SDK1: variants seen among roughly 807,000 people sequenced by gnomAD.
The protein encoded by SDK1 is sidekick cell adhesion molecule 1.
Under a neutral mutation model 245.5 loss-of-function variants are expected in SDK1, and 157 were observed. The ratio of observed to expected loss-of-function variants is 0.64; its 90% CI spans 0.56 to 0.73. The LOEUF (loss-of-function observed/expected upper bound fraction) is 0.73, where lower values mean the gene tolerates loss of function less well. Among genes scored for constraint, SDK1 ranks in the 30% least tolerant of loss-of-function variants. The pLI, the probability that SDK1 is intolerant of heterozygous loss-of-function variation, is 0.00. For synonymous variants in SDK1, 1,647 were observed against 1,278.5 expected (o/e 1.29, Z -6.15); for missense variants, 3,583 against 3,002.3 (o/e 1.19, Z -4.52).
chr7:3,543,397 G>A (rs929909238), intron 1 of SDK1, among the ~76,000 whole-genome samples: 1 of 152,246 alleles, frequency 6.6e-6, no homozygotes, highest in Non-Finnish European at 1.5e-5. Context: ...CCCCATAGGG[G>A]AGCCATTCTT....
intron 1 of SDK1, among the ~76,000 whole-genome samples, chr7:3,474,618 G>T (rs17133405): frequency 6.6e-6 from 1 of 151,846 alleles, no homozygotes; most frequent in Non-Finnish European, 1.5e-5. Flanking sequence ...ACATTTCTCT[G>T]TAACCCATCC....
At chr7:3,582,922 G>T (rs2128633236) in intron 1 of SDK1, among the ~76,000 whole-genome samples, 2 of 152,184 alleles carry the variant, frequency 1.3e-5, no homozygotes, top group South Asian at 4.1e-4. Flanking sequence ...GTGTGTGTAG[G>T]AAAAGGGGGG....
chr7:4,254,181 GTGTTTT>G (rs548035861), intron 44 of SDK1, among the ~76,000 whole-genome samples: 2,820 of 151,740 alleles, frequency 0.019, 75 homozygotes, highest in African/African-American at 0.057. Flanking sequence ...ATTACTTTGA[GTGTTTT>G]TGTTTTTGTT....
chr7:3,866,628 G>A lies in SDK1; in HGVS notation c.847+45045G>A, dbSNP rs190551752. 2.3e-3 allele frequency among the ~76,000 whole-genome samples: 350 copies of A among 152,266 alleles called. 6 individuals are homozygous for A. In the South Asian group the frequency reaches 0.029, roughly 12 times the overall value. ...GTTTTCATGCAATTCCACGGAGGTC[G>A]TGGACTCCCCTGCCCCTGCCCATAA... On this transcript the variant is annotated intron_variant, in intron 5 of 44. Coordinates refer to ENST00000404826, the MANE Select transcript of SDK1 (RefSeq NM_152744.4).
intron 1 of SDK1, among the ~76,000 whole-genome samples, chr7:3,418,145 G>GAAAAAAAAAAAAAAAAAAAAAA (rs200914826): frequency 1.7e-5 from 2 of 119,724 alleles, no homozygotes; most frequent in African/African-American, 7.8e-5. Context: ...TACTAAAAAT[G>GAAAAAAAAAAAAAAAAAAAAAA]AAAAAAAAAA....
At chr7:3,629,675 A>G (rs934079578) in intron 2 of SDK1, among the ~76,000 whole-genome samples, 1 of 152,260 alleles carries the variant, frequency 6.6e-6, no homozygotes, top group Non-Finnish European at 1.5e-5. Flanking sequence ...CTGTTGCTCA[A>G]TATCTTCACA....
intron 38 of SDK1, among the ~76,000 whole-genome samples, chr7:4,219,472 C>G (rs1462601822): frequency 6.6e-6 from 1 of 152,154 alleles, no homozygotes; most frequent in Non-Finnish European, 1.5e-5. Context: ...TGGTGGCAGG[C>G]AAGAGAGCAT....
At chr7:3,467,807 T>C (rs1386475377) in intron 1 of SDK1, among the ~76,000 whole-genome samples, 3 of 152,154 alleles carry the variant, frequency 2.0e-5, no homozygotes, top group African/African-American at 7.2e-5. Context: ...GTTCTCTAAA[T>C]GGAAATTTAG....
At chr7:3,391,394 G>T (rs538843260) in intron 1 of SDK1, among the ~76,000 whole-genome samples, 2 of 152,126 alleles carry the variant, frequency 1.3e-5, no homozygotes, top group Admixed American at 1.3e-4. Context: ...AGCATTGCTG[G>T]AAGTAAAAGG....
chr7:3,389,648 C>T (rs1781696649), intron 1 of SDK1, among the ~76,000 whole-genome samples: 1 of 152,116 alleles, frequency 6.6e-6, no homozygotes, highest in Non-Finnish European at 1.5e-5. Context: ...GTCTGTAGTC[C>T]AAGCTACTCA....
chr7:4,224,939 C>T (rs995270524), intron 40 of SDK1, among the ~76,000 whole-genome samples: 2 of 126,850 alleles, frequency 1.6e-5, no homozygotes, highest in African/African-American at 3.0e-5. Context: ...GCTGAGATGA[C>T]GCCACTGCAC....
At chr7:3,903,359 G>C (rs750934126) in intron 5 of SDK1, among the ~76,000 whole-genome samples, 8 of 152,120 alleles carry the variant, frequency 5.3e-5, no homozygotes, top group South Asian at 4.1e-4. Context: ...TAGCCAGGAT[G>C]GTCTCGATCA....
intron 1 of SDK1, among the ~76,000 whole-genome samples, chr7:3,440,748 GA>G: frequency 6.6e-6 from 1 of 152,276 alleles, no homozygotes; most frequent in South Asian, 2.1e-4. Flanking sequence ...ATGAAATTGT[GA>G]AACAGGACAA....
intron 1 of SDK1, among the ~76,000 whole-genome samples, chr7:3,360,745 C>T (rs1014025777): frequency 2.0e-5 from 3 of 152,200 alleles, no homozygotes; most frequent in Admixed American, 2.0e-4. Flanking sequence ...GCTGTTTATT[C>T]TGTCAGTCTG....
At chr7:4,071,298 T>C (rs554142028) in intron 20 of SDK1, among the ~76,000 whole-genome samples, 35 of 152,330 alleles carry the variant, frequency 2.3e-4, no homozygotes, top group Non-Finnish European at 4.3e-4. Context: ...GTGCTGGGAT[T>C]ACTGGCATGA....
At chr7:3,701,430 G>A (rs1213680346) in intron 4 of SDK1, among the ~76,000 whole-genome samples, 2 of 152,128 alleles carry the variant, frequency 1.3e-5, no homozygotes, top group South Asian at 2.1e-4. Flanking sequence ...AAGACTTTGT[G>A]TAGGTACAGA....
intron 1 of SDK1, among the ~76,000 whole-genome samples, chr7:3,542,373 G>A (rs1779077584): frequency 6.6e-6 from 1 of 152,180 alleles, no homozygotes; most frequent in African/African-American, 2.4e-5. Flanking sequence ...GTGCCTTGTA[G>A]CGATTTGGGG....
At chr7:3,830,970 C>T (rs953422034) in intron 5 of SDK1, among the ~76,000 whole-genome samples, 1 of 152,152 alleles carries the variant, frequency 6.6e-6, no homozygotes, top group African/African-American at 2.4e-5. Flanking sequence ...ATAACTTATG[C>T]ATTTTCTTTC....
intron 35 of SDK1, among the ~76,000 whole-genome samples, chr7:4,193,663 C>T (rs1384378427): frequency 4.6e-5 from 7 of 152,038 alleles, no homozygotes; most frequent in African/African-American, 7.3e-5. Context: ...TGCAGGTCAG[C>T]CACTCACATG....
Sources: gnomAD v4.1 joint callset for allele counts (sites outside exome capture counted in the v4.1 genomes callset) on GRCh38, gnomAD v4.1.1 for gene constraint, MANE v1.5 for transcripts, NCBI Gene and HGNC (gene_info 2026-07-23, HGNC 2026-07-21) for gene names.